The following SLC24A3 variants were observed in gnomAD, a reference collection of about 807,000 sequenced individuals.
SLC24A3 encodes the protein sodium/potassium/calcium exchanger 3.
A neutral mutation model predicts 75.8 loss-of-function variants in SLC24A3; 28 were observed. That is an observed-to-expected ratio of 0.37 (90% confidence interval 0.27 to 0.51). The LOEUF is 0.51. Ranked by LOEUF, SLC24A3 falls within the 20% of genes least tolerant of loss-of-function variation. SLC24A3 has a pLI of 0.94. For synonymous variants in SLC24A3, 372 were observed against 334.1 expected (o/e 1.11, Z -1.24); for missense variants, 663 against 847.8 (o/e 0.78, Z 2.71).
intron 6 of SLC24A3, among the ~76,000 whole-genome samples, chr20:19,609,904 G>A (rs1016599344): frequency 2.0e-5 from 3 of 152,208 alleles, no homozygotes; most frequent in Admixed American, 1.3e-4. Context: ...CTGGAACTTT[G>A]CAGTGTTTGC....
chr20:19,625,331 A>G (rs974423272), intron 6 of SLC24A3, among the ~76,000 whole-genome samples: 2 of 152,216 alleles, frequency 1.3e-5, no homozygotes, highest in Non-Finnish European at 2.9e-5. Flanking sequence ...CCCATCCAAA[A>G]TTTACCATAT....
rs929668093 is a variant in SLC24A3 at position 19,693,449 on chromosome 20, G to A, written c.1491+24G>A. 8 of 1,611,846 alleles carry A rather than the reference G, an allele frequency of 5.0e-6. No individual in the cohort carries two copies. In the African/African-American group the frequency reaches 8.0e-5, roughly 16 times the overall value. On this transcript the variant is annotated intron_variant, in intron 13 of 16. Coordinates refer to ENST00000328041, the MANE Select transcript of SLC24A3 (RefSeq NM_020689.4). ...TGGTGAGTGCAATCGGGACCCCATG[G>A]CACTGTTAAATCTCTTTAGAGAATA...
intron 13 of SLC24A3, chr20:19,694,469 A>T (rs975492305): frequency 6.6e-6 from 1 of 152,238 alleles, no homozygotes; most frequent in African/African-American, 2.4e-5. Flanking sequence ...CAACTAATTC[A>T]TAATCATCTC....
intron 8 of SLC24A3, among the ~76,000 whole-genome samples, chr20:19,667,644 C>CT (rs1340476320): frequency 6.6e-6 from 1 of 152,148 alleles, no homozygotes; most frequent in East Asian, 1.9e-4. Context: ...GGATGGTTTG[C>CT]TGTCAGCCTT....
At chr20:19,480,245 T>C (rs1166731368) in intron 2 of SLC24A3, among the ~76,000 whole-genome samples, 1 of 152,198 alleles carries the variant, frequency 6.6e-6, no homozygotes, top group Non-Finnish European at 1.5e-5. Flanking sequence ...TGCCTGGCCT[T>C]AAGATGAGTG....
In SLC24A3 at chr20:19,685,066, T is replaced by C. The variant is rs746316289; in HGVS notation, c.1063-34T>C. ...GAGTGTAAGGTATTTGCAATCCCTC[T>C]GACCGTGGTAAGAGTGCGCCTTTCT... On this transcript the variant is annotated intron_variant, in intron 11 of 16. Coordinates refer to ENST00000328041, the MANE Select transcript of SLC24A3 (RefSeq NM_020689.4). 8 of 1,567,304 alleles carry C rather than the reference T, an allele frequency of 5.1e-6. No individual in the cohort carries two copies. The South Asian group carries it at 8.4e-5, about 16-fold the overall frequency.
intron 1 of SLC24A3, among the ~76,000 whole-genome samples, chr20:19,224,067 A>G (rs6035257): frequency 0.59 from 90,237 of 152,008 alleles, 27,863 homozygotes; most frequent in Non-Finnish European, 0.66. Context: ...AAACAGCAGA[A>G]AGTGAAACTG....
chr20:19,345,021 A>AT (rs1307899637), intron 2 of SLC24A3, among the ~76,000 whole-genome samples: 1 of 152,214 alleles, frequency 6.6e-6, no homozygotes, highest in East Asian at 1.9e-4. Flanking sequence ...AGACACACTG[A>AT]TTTGGAAGAA....
At chr20:19,609,541 A>G (rs914466632) in intron 6 of SLC24A3, among the ~76,000 whole-genome samples, 13 of 151,904 alleles carry the variant, frequency 8.6e-5, no homozygotes, top group African/African-American at 3.1e-4. Context: ...TGCATTAGGT[A>G]TTTGTCCTAA....
chr20:19,478,727 A>G (rs1256264204), intron 2 of SLC24A3, among the ~76,000 whole-genome samples: 1 of 152,146 alleles, frequency 6.6e-6, no homozygotes. Flanking sequence ...TCTGTGTCCG[A>G]TAGATAAGTC....
rs566784995 is a variant in SLC24A3 at position 19,590,358 on chromosome 20, TG to T, written c.612+4815del. Among the ~76,000 whole-genome samples, 3 of 152,110 alleles carry T rather than the reference TG, an allele frequency of 2.0e-5. No individual in the cohort carries two copies. The South Asian group carries it at 6.2e-4, about 32-fold the overall frequency. On this transcript the variant is annotated intron_variant, in intron 6 of 16. Transcript: ENST00000328041. The stretch of plus-strand genomic sequence containing the variant: ...CCGTACACCTTGATTTCTATCTTAT[TG>T]TTCCCCAGACAAAACCCAACACACA...
chr20:19,343,812 A>G (rs1379511050), intron 2 of SLC24A3, among the ~76,000 whole-genome samples: 1 of 152,174 alleles, frequency 6.6e-6, no homozygotes, highest in Non-Finnish European at 1.5e-5. Context: ...GGCCTTATGG[A>G]CCAGTTGGTA....
At chr20:19,533,613 T>C (rs1253640817) in intron 3 of SLC24A3, among the ~76,000 whole-genome samples, 1 of 152,150 alleles carries the variant, frequency 6.6e-6, no homozygotes, top group Non-Finnish European at 1.5e-5. Context: ...GCACCTGTGC[T>C]TATAAATATA....
chr20:19,408,419 T>C (rs1203845879), intron 2 of SLC24A3, among the ~76,000 whole-genome samples: 1 of 150,566 alleles, frequency 6.6e-6, no homozygotes, highest in Non-Finnish European at 1.5e-5. Context: ...AGACAGAGTC[T>C]CGCTCTGCCA....
At position 19,457,165 on chromosome 20, in the gene SLC24A3, G is replaced by A. The variant is rs74823806; in HGVS notation, c.272-58323G>A. ...GGATGTAAAGGGAAACCCTAATGGC[G>A]TAATCCCAGATCCATCAACTGTGGA... On this transcript the variant is annotated intron_variant, in intron 2 of 16. Transcript: ENST00000328041. Among the ~76,000 whole-genome samples, 14 of 152,286 alleles carry A rather than the reference G, an allele frequency of 9.2e-5. No homozygotes were observed. In the East Asian group the frequency reaches 1.4e-3, roughly 15 times the overall value.
At chr20:19,711,405 C>T (rs1052124032) in intron 15 of SLC24A3, among the ~76,000 whole-genome samples, 3 of 151,614 alleles carry the variant, frequency 2.0e-5, no homozygotes, top group Non-Finnish European at 4.4e-5. Context: ...CATGCAAACA[C>T]ACAGGCAAAT....
At chr20:19,271,174 C>T (rs1983319295) in intron 1 of SLC24A3, among the ~76,000 whole-genome samples, 1 of 152,196 alleles carries the variant, frequency 6.6e-6, no homozygotes, top group South Asian at 2.1e-4. Context: ...AAAGAGAAAG[C>T]TCTGAAACCA....
chr20:19,543,207 G>A (rs1357828842), intron 3 of SLC24A3, among the ~76,000 whole-genome samples: 1 of 152,130 alleles, frequency 6.6e-6, no homozygotes, highest in Non-Finnish European at 1.5e-5. Flanking sequence ...CTTCTTCAAG[G>A]TTATACATTC....
intron 2 of SLC24A3, among the ~76,000 whole-genome samples, chr20:19,512,034 C>A (rs544709505): frequency 6.6e-6 from 1 of 152,202 alleles, no homozygotes; most frequent in Non-Finnish European, 1.5e-5. Flanking sequence ...CAGTGCTGGC[C>A]GCTCCATTCA....
Sources: gnomAD v4.1 joint callset for allele counts (sites outside exome capture counted in the v4.1 genomes callset) on GRCh38, gnomAD v4.1.1 for gene constraint, MANE v1.5 for transcripts, NCBI Gene and HGNC (gene_info 2026-07-23, HGNC 2026-07-21) for gene names.